The following THSD7B variants were observed in gnomAD, a reference collection of about 807,000 sequenced individuals.
The protein encoded by THSD7B is thrombospondin type-1 domain-containing protein 7B.
A neutral mutation model predicts 213.6 loss-of-function variants in THSD7B; 138 were observed. The ratio of observed to expected loss-of-function variants is 0.65; its 90% confidence interval spans 0.56 to 0.74. The LOEUF is 0.74. Ranked by LOEUF, THSD7B falls within the 30% of genes least tolerant of loss-of-function variation. THSD7B has a pLI of 0.00. For synonymous variants in THSD7B, 742 were observed against 687.0 expected, an observed-to-expected ratio of 1.08 and a Z score of -1.25; for missense variants, 1,931 against 1,991.5, an observed-to-expected ratio of 0.97 and a Z score of 0.58.
chr2:137,664,237 A>G (rs1310502199), intron 26 of THSD7B, among the ~76,000 whole-genome samples: 2 of 152,232 alleles, frequency 1.3e-5, no homozygotes, highest in African/African-American at 4.8e-5. Flanking sequence ...AAATGACAAA[A>G]TTGGAATAGA....
chr2:137,065,094 G>A (rs1687351601), intron 3 of THSD7B, among the ~76,000 whole-genome samples: 1 of 151,876 alleles, frequency 6.6e-6, no homozygotes, highest in Non-Finnish European at 1.5e-5. Flanking sequence ...TAAATCTATA[G>A]ATTACTTTGA....
intron 2 of THSD7B, among the ~76,000 whole-genome samples, chr2:136,978,851 G>A (rs1685530226): frequency 6.6e-6 from 1 of 150,838 alleles, no homozygotes; most frequent in South Asian, 2.1e-4. Flanking sequence ...TTATTTTGCA[G>A]ACTTGTTAAT....
At chr2:137,595,725 T>C (rs1681945517) in intron 17 of THSD7B, among the ~76,000 whole-genome samples, 1 of 151,950 alleles carries the variant, frequency 6.6e-6, no homozygotes, top group East Asian at 1.9e-4. Context: ...TATAGATATA[T>C]GTACACATTC....
intron 1 of THSD7B, among the ~76,000 whole-genome samples, chr2:136,854,245 T>G (rs2104966178): frequency 6.7e-6 from 1 of 150,300 alleles, no homozygotes; most frequent in African/African-American, 2.5e-5. Flanking sequence ...CTTACATATG[T>G]GCATACATCC....
At chr2:137,545,570 A>G (rs575730583) in intron 15 of THSD7B, among the ~76,000 whole-genome samples, 2 of 152,026 alleles carry the variant, frequency 1.3e-5, no homozygotes, top group East Asian at 3.9e-4. Context: ...AGACAAGTAA[A>G]GTACTTGATG....
intron 16 of THSD7B, 87 bp from the exon 17 acceptor site, chr2:137,572,319 G>A (rs142791055): frequency 2.2e-5 from 32 of 1,445,602 alleles, no homozygotes; most frequent in Middle Eastern, 1.8e-4. Flanking sequence ...TTTAACTATC[G>A]TCAGTTACTA....
At chr2:137,129,538 C>G (rs188956391) in intron 5 of THSD7B, among the ~76,000 whole-genome samples, 1 of 152,066 alleles carries the variant, frequency 6.6e-6, no homozygotes, top group Non-Finnish European at 1.5e-5. Context: ...CTCCTGGGCT[C>G]AGGTGATCCT....
chr2:137,591,814 G>C lies in THSD7B; in HGVS notation c.3423+19258G>C, dbSNP rs1413353759. ...ACAAATGTTTGTTTATATAATGTTC[G>C]GCTGATCTTTGTTTCATACGAACAT... On this transcript the variant is annotated intron_variant, in intron 17 of 27. Coordinates refer to ENST00000409968, the MANE Select transcript of THSD7B (RefSeq NM_001316349.2). Among the ~76,000 whole-genome samples the C allele has an allele frequency of 2.6e-5, 4 of 151,652 alleles. No homozygotes were observed. In the East Asian group the frequency reaches 7.7e-4, roughly 29 times the overall value.
intron 5 of THSD7B, among the ~76,000 whole-genome samples, chr2:137,143,657 G>A (rs541858379): frequency 2.0e-5 from 3 of 152,166 alleles, no homozygotes; most frequent in South Asian, 4.1e-4. Flanking sequence ...TAAGTTTTTG[G>A]ACTTTGGGAT....
At chr2:137,208,981 C>T (rs1451162109) in intron 7 of THSD7B, among the ~76,000 whole-genome samples, 2 of 152,060 alleles carry the variant, frequency 1.3e-5, no homozygotes, top group South Asian at 2.1e-4. Context: ...TAAAGCCCCT[C>T]TCATAATCCT....
chr2:136,834,779 T>C (rs926639843), intron 1 of THSD7B, among the ~76,000 whole-genome samples: 6 of 152,312 alleles, frequency 3.9e-5, no homozygotes, highest in Non-Finnish European at 5.9e-5. Flanking sequence ...AGCTGCTACT[T>C]ACCACTCAGT....
At chr2:137,393,847 G>A (rs1686105945) in intron 12 of THSD7B, among the ~76,000 whole-genome samples, 1 of 141,200 alleles carries the variant, frequency 7.1e-6, no homozygotes, top group African/African-American at 2.6e-5. Flanking sequence ...TTTAATGTTT[G>A]CCATTCTAAC....
chr2:137,490,389 A>G (rs1473812032), intron 15 of THSD7B, among the ~76,000 whole-genome samples: 1 of 152,224 alleles, frequency 6.6e-6, no homozygotes, highest in African/African-American at 2.4e-5. Flanking sequence ...AAAGTGAGAT[A>G]AGTTAAATAT....
chr2:137,515,069 G>A (rs1193550621), intron 15 of THSD7B, among the ~76,000 whole-genome samples: 2 of 152,086 alleles, frequency 1.3e-5, no homozygotes, highest in African/African-American at 2.4e-5. Context: ...CTTATCATGC[G>A]AGTGGCTGAC....
Position 137,374,194 on chromosome 2 carries a change from C to G in THSD7B, c.2501-31419C>G, listed in dbSNP as rs375412517. 1.6e-4 allele frequency among the ~76,000 whole-genome samples: 24 copies of G among 152,184 alleles called. No individual in the cohort carries two copies. In the South Asian group the frequency reaches 5.0e-3, roughly 32 times the overall value. Reference sequence around the variant, plus strand: ...AGAGAGAGAGCTGGGAATCTGGCTGCTTTGTAAACACACAATGGGATATTT... The same window carrying G: ...AGAGAGAGAGCTGGGAATCTGGCTGGTTTGTAAACACACAATGGGATATTT... On this transcript the variant is annotated intron_variant, in intron 12 of 27. Transcript: ENST00000409968.
At chr2:137,656,177 A>G (rs1683233152) in intron 22 of THSD7B, among the ~76,000 whole-genome samples, 1 of 152,202 alleles carries the variant, frequency 6.6e-6, no homozygotes, top group Admixed American at 6.5e-5. Flanking sequence ...TAATCCTAGT[A>G]ACACAACATA....
intron 17 of THSD7B, among the ~76,000 whole-genome samples, chr2:137,604,460 G>A (rs1441540381): frequency 6.6e-6 from 1 of 152,086 alleles, no homozygotes; most frequent in African/African-American, 2.4e-5. Context: ...CATCTAATAT[G>A]TGTGTTTCAT....
At chr2:137,136,065 C>A (rs1679450811) in intron 5 of THSD7B, among the ~76,000 whole-genome samples, 1 of 152,088 alleles carries the variant, frequency 6.6e-6, no homozygotes, top group Admixed American at 6.6e-5. Flanking sequence ...GGAAATTAAA[C>A]ACCACATGTT....
chr2:137,414,440 A>G (rs1686747499), intron 14 of THSD7B, among the ~76,000 whole-genome samples: 2 of 151,992 alleles, frequency 1.3e-5, no homozygotes, highest in Admixed American at 6.6e-5. Context: ...GAATTGGGGT[A>G]TGGCACTGTG....
Sources: gnomAD v4.1 joint callset for allele counts (sites outside exome capture counted in the v4.1 genomes callset) on GRCh38, gnomAD v4.1.1 for gene constraint, MANE v1.5 for transcripts, NCBI Gene and HGNC (gene_info 2026-07-23, HGNC 2026-07-21) for gene names.